JUP: variants seen among roughly 807,000 people sequenced by gnomAD.
JUP encodes the protein catenin (cadherin-associated protein), gamma 80kDa.
A neutral mutation model predicts 71.1 loss-of-function variants in JUP; 28 were observed. That is an observed-to-expected ratio of 0.39 (90% CI 0.29 to 0.54). The LOEUF (loss-of-function observed/expected upper bound fraction) is 0.54. JUP is among the 20% of genes least tolerant of loss of function. The pLI, the probability that JUP is intolerant of heterozygous loss-of-function variation, is 0.62. For synonymous variants in JUP, 401 were observed against 438.9 expected (o/e 0.91, Z 1.08); for missense variants, 869 against 1,030.1 (o/e 0.84, Z 2.14).
chr17:41,765,109 A>G (rs1555603495), intron 5 of JUP, 42 bp from the exon 6 acceptor site: 2 of 1,601,830 alleles, frequency 1.2e-6, no homozygotes, highest in Non-Finnish European at 8.6e-7. Flanking sequence ...GACGGGGAAT[A>G]TGACAGGAAC....
intron 8 of JUP, among the ~76,000 whole-genome samples, chr17:41,761,104 C>G (rs1400168505): frequency 6.6e-6 from 1 of 152,166 alleles, no homozygotes; most frequent in Non-Finnish European, 1.5e-5. Flanking sequence ...CCCCACCTGA[C>G]AGGGAAGTGA....
At chr17:41,763,414 G>A (rs1322628315) in intron 7 of JUP, 93 bp from the exon 8 acceptor site, 1 of 883,254 alleles carries the variant, frequency 1.1e-6, no homozygotes, top group African/African-American at 1.7e-5. Context: ...TGACCTAAAG[G>A]GGTCAGCCCT....
chr17:41,758,342 C>G (rs946943423), intron 10 of JUP, 57 bp downstream of exon 10: 9 of 1,609,792 alleles, frequency 5.6e-6, no homozygotes, highest in Non-Finnish European at 7.6e-6. Context: ...GGACTCCTAA[C>G]CTTGCCCTTT....
intron 1 of JUP, among the ~76,000 whole-genome samples, chr17:41,777,981 C>T: frequency 6.6e-6 from 1 of 152,164 alleles, no homozygotes; most frequent in East Asian, 1.9e-4. Flanking sequence ...AAACACTTCA[C>T]CCCACACCAG....
chr17:41,781,802 TCTCAA>T (rs781836097), intron 1 of JUP, among the ~76,000 whole-genome samples: 3 of 152,270 alleles, frequency 2.0e-5, no homozygotes, highest in Non-Finnish European at 2.9e-5. Flanking sequence ...CCCTCTTATT[TCTCAA>T]CTCAAGATTT....
intron 1 of JUP, among the ~76,000 whole-genome samples, chr17:41,777,507 GGC>G (rs2046944716): frequency 6.6e-6 from 1 of 152,234 alleles, no homozygotes; most frequent in African/African-American, 2.4e-5. Context: ...TCTCCCCTCT[GGC>G]TGGCAGCTCC....
chr17:41,761,245 C>T (rs534177433), intron 8 of JUP, among the ~76,000 whole-genome samples: 43 of 152,270 alleles, frequency 2.8e-4, no homozygotes, highest in African/African-American at 1.0e-3. Flanking sequence ...TAGTGGCTCT[C>T]CTGATTTTCA....
intron 13 of JUP, 92 bp downstream of exon 13, chr17:41,756,083 T>C: frequency 7.1e-7 from 1 of 1,404,622 alleles, no homozygotes; most frequent in Non-Finnish European, 1.0e-6. Context: ...CCACTGGTCC[T>C]CTGGCCCCGG....
chr17:41,771,793 G>A lies in JUP; in HGVS notation c.62C>T (p.Thr21Ile). 6.2e-7 allele frequency: 1 copy of A among 1,613,856 alleles called. No individual in the cohort carries two copies. The highest frequency in any genetic ancestry group is 8.5e-7 in the Non-Finnish European group (1 of 1,179,970). The change falls in exon 2 of 14, where the codon ACC becomes ATC. Residue 21 changes from threonine to isoleucine, a missense_variant. By Grantham distance (89) the Thr-to-Ile change is moderately conservative (BLOSUM62 -1). Transcript: ENST00000393931. ...IKVTEWQQTY[T>I]YDSGIHSGAN... Reference sequence around the variant, plus strand: ...GCCCGAGTGGATACCCGAGTCGTAGGTGTATGTCTGCTGCCACTCAGTCAC... The same window carrying A: ...GCCCGAGTGGATACCCGAGTCGTAGATGTATGTCTGCTGCCACTCAGTCAC...
chr17:41,781,903 G>A (rs1026331832), intron 1 of JUP, among the ~76,000 whole-genome samples: 5 of 152,134 alleles, frequency 3.3e-5, no homozygotes, highest in Non-Finnish European at 7.3e-5. Context: ...TCAAGTCCTC[G>A]GGGGAGATGG....
rs1468151698 is a variant in JUP, at chr17:41,758,027, T to A, written c.1774-243A>T. ...AATCTAGTGTTAATGAGCTCACTGA[T>A]GTGAAAGATGTTAGACTCTTCTTGT... On this transcript the variant is annotated intron_variant, in intron 10 of 13. Coordinates refer to ENST00000393931, the MANE Select transcript of JUP (RefSeq NM_002230.4). 24 of 565,092 alleles carry A rather than the reference T, an allele frequency of 4.2e-5. 1 individual carries two copies. The highest frequency in any genetic ancestry group is 1.2e-4 in the East Asian group (4 of 34,644). 35.0% of individuals were successfully genotyped at this position (565,092 alleles called of 1,614,324 possible). A position where few individuals can be genotyped will look rare whatever the true frequency, so the allele number is the denominator to read the frequency against.
At position 41,767,365 on chromosome 17, in the gene JUP, T is replaced by C. The variant is rs1555604461; in HGVS notation, c.909+14A>G. The C allele has an allele frequency of 6.2e-7, 1 of 1,612,188 alleles. No individual in the cohort carries two copies. The highest frequency in any genetic ancestry group is 8.5e-7 in the Non-Finnish European group (1 of 1,178,558). On this transcript the variant is annotated intron_variant, in intron 5 of 13. Transcript: ENST00000393931. ...GGTGGGCTTCAGGCCTCGGGAGAGT[T>C]GGGGAGGGCCCACCTTGCTCTCCTG...
intron 1 of JUP, among the ~76,000 whole-genome samples, chr17:41,780,105 G>A (rs1673616195): frequency 6.6e-6 from 1 of 152,180 alleles, no homozygotes. Flanking sequence ...GACACAGAAA[G>A]CTGAGCTTCA....
chr17:41,771,007 A>G (rs951529117), intron 2 of JUP, among the ~76,000 whole-genome samples: 10 of 152,220 alleles, frequency 6.6e-5, no homozygotes, highest in African/African-American at 2.2e-4. Flanking sequence ...TGAGAGCCAT[A>G]GTGATACATC....
intron 1 of JUP, chr17:41,772,199 G>T (rs1916771773): frequency 4.8e-6 from 2 of 414,660 alleles, no homozygotes; most frequent in South Asian, 4.2e-5. Flanking sequence ...GCACCTTGCT[G>T]CCCTGACCCA....
intron 8 of JUP, among the ~76,000 whole-genome samples, chr17:41,760,743 T>A (rs1914676054): frequency 6.6e-6 from 1 of 151,978 alleles, no homozygotes; most frequent in East Asian, 1.9e-4. Flanking sequence ...GTATTTTTTG[T>A]GGAGGCGGGG....
chr17:41,756,715 CAT>C (rs1555598194), intron 12 of JUP, among the ~76,000 whole-genome samples: 2 of 152,198 alleles, frequency 1.3e-5, no homozygotes, highest in African/African-American at 4.8e-5. Context: ...TCCTGGCCAA[CAT>C]GGCGAAACCG....
intron 6 of JUP, 50 bp from the exon 7 acceptor site, chr17:41,764,866 A>G (rs782151154): frequency 6.2e-7 from 1 of 1,613,678 alleles, no homozygotes; most frequent in South Asian, 1.1e-5. Flanking sequence ...TGGCTGACTG[A>G]GCCTGGCAGC....
chr17:41,763,869 C>T (rs904442557), intron 7 of JUP, among the ~76,000 whole-genome samples: 4 of 152,214 alleles, frequency 2.6e-5, no homozygotes, highest in Non-Finnish European at 4.4e-5. Flanking sequence ...CAGGGAGACA[C>T]GTGGGCCTTG....
Sources: gnomAD v4.1 joint callset for allele counts (sites outside exome capture counted in the v4.1 genomes callset) on GRCh38, gnomAD v4.1.1 for gene constraint, MANE v1.5 for transcripts, NCBI Gene and HGNC (gene_info 2026-07-23, HGNC 2026-07-21) for gene names.